The following RECQL variants were observed in gnomAD, a reference collection of about 807,000 sequenced individuals.
RECQL encodes the protein RecQ like helicase.
RECQL carries 73 observed loss-of-function variants against 75.8 expected under a neutral mutation model. That is an observed-to-expected ratio of 0.96 (90% confidence interval 0.80 to 1.17). RECQL has a LOEUF of 1.17. RECQL is among the 50% of genes most tolerant of loss of function. RECQL has a pLI of 0.00. For synonymous variants in RECQL, 248 were observed against 254.4 expected (o/e 0.97, Z 0.24); for missense variants, 699 against 772.1 (o/e 0.91, Z 1.12).
At chr12:21,497,063 C>T (rs1346981881) in intron 2 of RECQL, among the ~76,000 whole-genome samples, 1 of 152,222 alleles carries the variant, frequency 6.6e-6, no homozygotes, top group Non-Finnish European at 1.5e-5. Flanking sequence ...GAAACAACTT[C>T]TGGGTTGCTC....
At position 21,477,882 on chromosome 12, in the gene RECQL, G is replaced by A. The variant is rs773948800; in HGVS notation, c.788C>T (p.Thr263Met). The A allele has an allele frequency of 3.8e-5, 62 of 1,613,676 alleles. No individual in the cohort carries two copies. Among genetic ancestry groups the A allele is most frequent in the African/African-American group, 6.7e-5 (5 of 74,906 alleles). ...LTATATNHVL[T>M]DAQKILCIEK... The stretch of plus-strand genomic sequence containing the variant: ...AATGCACAAAATTTTCTGAGCATCC[G>A]TCAAAACGTGATTTGTTGCAGTTGC... The change falls in exon 7 of 15, where the codon ACG becomes ATG. Residue 263 changes from threonine (T) to methionine (M), a missense_variant. Physicochemically the swap from Thr to Met is moderately conservative, Grantham distance 81. Around this residue, in one of 2 missense-constraint regions of RECQL, gnomAD observed 669 missense variants for 713.5 expected, o/e 0.94. Transcript: ENST00000444129.
At chr12:21,471,717 GTAGT>G in intron 12 of RECQL, 70 bp from the exon 13 acceptor site, 1 of 1,234,912 alleles carries the variant, frequency 8.1e-7, no homozygotes, top group South Asian at 1.2e-5. Flanking sequence ...GCTATCTTAA[GTAGT>G]TAAACTGGTT....
chr12:21,483,864 T>C (rs1265042879), intron 5 of RECQL, among the ~76,000 whole-genome samples: 3 of 152,194 alleles, frequency 2.0e-5, no homozygotes, highest in African/African-American at 4.8e-5. Context: ...GCATTTATTC[T>C]ATGAAGGCAT....
intron 5 of RECQL, 140 bp downstream of exon 5, chr12:21,486,339 G>C (rs1943295584): frequency 2.7e-6 from 3 of 1,091,004 alleles, no homozygotes; most frequent in Non-Finnish European, 3.6e-6. Flanking sequence ...CAGTGGGCCA[G>C]AACTGGCCAA....
intron 2 of RECQL, 103 bp downstream of exon 2, chr12:21,499,452 A>G: frequency 8.8e-7 from 1 of 1,136,468 alleles, no homozygotes; most frequent in Non-Finnish European, 1.3e-6. Flanking sequence ...AAAGCTGAAA[A>G]AAATCATTTC....
intron 7 of RECQL, 97 bp downstream of exon 7, chr12:21,477,706 A>G (rs1400631870): frequency 1.1e-6 from 1 of 950,764 alleles, no homozygotes; most frequent in Non-Finnish European, 1.5e-6. Context: ...AATTTTTGTA[A>G]GTACTTAACT....
At chr12:21,477,448 C>T (rs1943107570) in intron 7 of RECQL, among the ~76,000 whole-genome samples, 1 of 152,120 alleles carries the variant, frequency 6.6e-6, no homozygotes, top group African/African-American at 2.4e-5. Flanking sequence ...ATACTTCTAT[C>T]ACTTAGTAAT....
chr12:21,497,584 A>C (rs1354323075), intron 2 of RECQL, among the ~76,000 whole-genome samples: 1 of 152,236 alleles, frequency 6.6e-6, no homozygotes, highest in Non-Finnish European at 1.5e-5. Flanking sequence ...AACTGGTGGC[A>C]ATGAGGTCTG....
chr12:21,500,349 T>C (rs1187959495), intron 1 of RECQL, among the ~76,000 whole-genome samples: 2 of 151,852 alleles, frequency 1.3e-5, no homozygotes, highest in Non-Finnish European at 2.9e-5. Flanking sequence ...GGCTGGAGAG[T>C]AGAAACTTTA....
At chr12:21,489,340 A>G (rs1943365208) in intron 4 of RECQL, among the ~76,000 whole-genome samples, 1 of 152,156 alleles carries the variant, frequency 6.6e-6, no homozygotes, top group African/African-American at 2.4e-5. Context: ...ATTATTTACT[A>G]TCTACCCTTT....
At chr12:21,486,270 T>C (rs1484329891) in intron 5 of RECQL, among the ~76,000 whole-genome samples, 1 of 152,184 alleles carries the variant, frequency 6.6e-6, no homozygotes, top group Admixed American at 6.5e-5. Context: ...TTTTAGATTT[T>C]TTTTAGCCAT....
At chr12:21,492,467 A>G (rs999831084) in intron 2 of RECQL, among the ~76,000 whole-genome samples, 5 of 152,218 alleles carry the variant, frequency 3.3e-5, no homozygotes, top group African/African-American at 1.2e-4. Context: ...TACAGGTTTA[A>G]TGTGCTTCTT....
chr12:21,495,080 T>C (rs1015407221), intron 2 of RECQL, among the ~76,000 whole-genome samples: 1 of 152,166 alleles, frequency 6.6e-6, no homozygotes, highest in Non-Finnish European at 1.5e-5. Flanking sequence ...ACACGCAGAA[T>C]AGAAAGCTCT....
chr12:21,499,549 AC>A lies in RECQL; in HGVS notation c.16+5del. On this transcript the variant is annotated splice_donor_5th_base_variant and intron_variant, in intron 2 of 14. Transcript: ENST00000444129. ...GGAAGAAGAAAATGTAATCATTGCTACTAACCTGAAACGGACGCCATTCTTT... is the reference window on the plus strand; with the variant it reads ...GGAAGAAGAAAATGTAATCATTGCTATAACCTGAAACGGACGCCATTCTTT... 1 of 1,589,886 alleles carries A rather than the reference AC, an allele frequency of 6.3e-7. No homozygotes were observed. Among genetic ancestry groups the A allele is most frequent in the South Asian group, 1.2e-5 (1 of 86,382 alleles).
chr12:21,476,863 T>C, intron 8 of RECQL, 48 bp downstream of exon 8: 3 of 1,337,932 alleles, frequency 2.2e-6, no homozygotes. Context: ...ATGAAGTCAC[T>C]TTTTGAAAGT....
rs4987216 is a variant in RECQL, at chr12:21,490,464, C to T, written c.215-86G>A. ...AATGAGACAAACATATATAAGACTT[C>T]TAATACTTATAGACCATTAAACTTT... On this transcript the variant is annotated intron_variant, in intron 3 of 14. Coordinates refer to ENST00000444129, the MANE Select transcript of RECQL (RefSeq NM_002907.4). The T allele has an allele frequency of 0.016, 13,274 of 814,608 alleles. 151 individuals carry two copies. Among genetic ancestry groups the T allele is most frequent in the Non-Finnish European group, 0.022 (11,111 of 515,298 alleles). The allele number at this position is 814,608 out of a possible 1,614,324, so 50.5% of individuals were successfully genotyped here. A position where few individuals can be genotyped will look rare whatever the true frequency, so the allele number is the denominator to read the frequency against.
At chr12:21,494,672 C>G (rs1269664171) in intron 2 of RECQL, among the ~76,000 whole-genome samples, 1 of 152,120 alleles carries the variant, frequency 6.6e-6, no homozygotes. Context: ...AGTGGAAGAT[C>G]AAATAGATTG....
intron 5 of RECQL, 42 bp from the exon 6 acceptor site, chr12:21,483,616 G>T: frequency 7.2e-7 from 1 of 1,390,736 alleles, no homozygotes. Context: ...GTAAAACTAA[G>T]CTAGCAGACT....
rs1943383995 is a variant in RECQL, at chr12:21,490,249, G to A, written c.344C>T (p.Thr115Ile). The A allele has an allele frequency of 6.2e-7, 1 of 1,613,006 alleles. No individual in the cohort carries two copies. Among genetic ancestry groups the A allele is most frequent in the Non-Finnish European group, 8.5e-7 (1 of 1,179,212 alleles). ...AGKEVFLVMP[T>I]GGGKSLCYQL... is the part of the protein sequence containing the mutation. ...GTAACATAAGCTCTTTCCACCTCCTGTAGGCATAACAAGAAATACCTCCTT... is the reference window on the plus strand; with the variant it reads ...GTAACATAAGCTCTTTCCACCTCCTATAGGCATAACAAGAAATACCTCCTT... The change falls in exon 4 of 15, where the codon ACA becomes ATA. Residue 115 changes from threonine (T) to isoleucine (I), a missense_variant. Thr to Ile is a moderately conservative substitution (Grantham distance 89). Coordinates refer to ENST00000444129, the MANE Select transcript of RECQL (RefSeq NM_002907.4).
Sources: allele counts gnomAD v4.1 joint callset (sites outside exome capture counted in the v4.1 genomes callset), GRCh38; gene constraint gnomAD v4.1.1; regional missense constraint gnomAD v4.1.1; transcripts MANE v1.5; gene names NCBI Gene and HGNC (gene_info 2026-07-23, HGNC 2026-07-21).